Variants in SLC7A5 observed in about 807,000 individuals in gnomAD.
SLC7A5 encodes solute carrier family 7 member 5, also known as large neutral amino acids transporter small subunit 1.
SLC7A5 carries 23 observed loss-of-function variants against 50.2 expected under a neutral mutation model. The ratio of observed to expected loss-of-function variants is 0.46; its 90% confidence interval spans 0.33 to 0.65. The LOEUF (loss-of-function observed/expected upper bound fraction) is 0.65, where lower values mean the gene tolerates loss of function less well. SLC7A5 is among the 30% of genes least tolerant of loss of function. The pLI is 0.02. For missense variants in SLC7A5, 578 were observed against 684.4 expected (o/e 0.84, Z 1.73); for synonymous variants, 393 against 330.6 (o/e 1.19, Z -2.05).
chr16:87,842,088 G>A (rs1427631982), intron 2 of SLC7A5, among the ~76,000 whole-genome samples: 3 of 152,174 alleles, frequency 2.0e-5, no homozygotes, highest in Non-Finnish European at 2.9e-5. Flanking sequence ...TGCGCTTCAG[G>A]AAGGAGAACT....
chr16:87,862,583 T>G lies in SLC7A5; in HGVS notation c.538+6302A>C, dbSNP rs1248906115. Among the ~76,000 whole-genome samples the G allele has an allele frequency of 6.6e-6, 1 of 152,224 alleles. No individual in the cohort carries two copies. Among genetic ancestry groups the G allele is most frequent in the Admixed American group, 6.5e-5 (1 of 15,290 alleles). On this transcript the variant is annotated intron_variant, in intron 1 of 9. Transcript: ENST00000261622. The surrounding 1 kb of genome is among the most constrained non-coding windows in gnomAD (Gnocchi z 5.3). ...CTCCCTCTCTTTGTTCCCTTGCTCC[T>G]TCCTTCTTTTGCCAGAGGAGAAGAC...
intron 1 of SLC7A5, among the ~76,000 whole-genome samples, chr16:87,855,318 T>C (rs934170613): frequency 7.2e-5 from 11 of 152,094 alleles, no homozygotes; most frequent in African/African-American, 2.6e-4. Context: ...GCAGTGATAC[T>C]GACCTCAGAG....
chr16:87,847,365 C>G (rs1033551248), intron 2 of SLC7A5, among the ~76,000 whole-genome samples: 2 of 152,160 alleles, frequency 1.3e-5, no homozygotes, highest in Non-Finnish European at 2.9e-5. Flanking sequence ...AAGAGGAGAC[C>G]AAGACAGGGC....
chr16:87,842,387 A>T (rs2055092661), intron 2 of SLC7A5, among the ~76,000 whole-genome samples: 1 of 152,220 alleles, frequency 6.6e-6, no homozygotes, highest in South Asian at 2.1e-4. Flanking sequence ...TGGTCCAGGG[A>T]ACACCGCAGA....
At chr16:87,834,676 C>T (rs1203130714) in intron 8 of SLC7A5, 85 bp from the exon 9 acceptor site, 1 of 1,376,424 alleles carries the variant, frequency 7.3e-7, no homozygotes, top group Non-Finnish European at 1.0e-6. Flanking sequence ...CCCTCCTGGG[C>T]CCTCCACACC....
chr16:87,865,915 G>A lies in SLC7A5; in HGVS notation c.538+2970C>T, dbSNP rs1408583584. ...GGCACATGCCTGTAATCTAAGCTCC[G>A]GAGGTTGAGGCAGGAGAATCGTTTA... On this transcript the variant is annotated intron_variant, in intron 1 of 9. Transcript: ENST00000261622. Among the ~76,000 whole-genome samples, 11 of 152,270 alleles carry A rather than the reference G, an allele frequency of 7.2e-5. No individual in the cohort carries two copies. The South Asian group carries it at 1.5e-3, about 20-fold the overall frequency.
At chr16:87,847,969 C>T (rs2055174487) in intron 2 of SLC7A5, among the ~76,000 whole-genome samples, 1 of 152,056 alleles carries the variant, frequency 6.6e-6, no homozygotes. Context: ...ATCCAGGGGT[C>T]TCGGCCACCG....
intron 2 of SLC7A5, among the ~76,000 whole-genome samples, chr16:87,849,172 C>T (rs1359453356): frequency 1.3e-5 from 2 of 152,188 alleles, no homozygotes; most frequent in Admixed American, 6.5e-5. Context: ...TATCTGGGGG[C>T]GCTGCTGCCA....
intron 1 of SLC7A5, among the ~76,000 whole-genome samples, chr16:87,864,858 A>T (rs2055441472): frequency 6.6e-6 from 1 of 152,208 alleles, no homozygotes; most frequent in Non-Finnish European, 1.5e-5. Context: ...CGGTCTTAAG[A>T]TTATGCGAGT....
Position 87,853,946 on chromosome 16 carries a change from T to G in SLC7A5, c.539-2097A>C, listed in dbSNP as rs1179579825. On this transcript the variant is annotated intron_variant, in intron 1 of 9. Coordinates refer to ENST00000261622, the MANE Select transcript of SLC7A5 (RefSeq NM_003486.7). This position sits in a 1 kb window ranked among gnomAD's most constrained non-coding sequence, Gnocchi z 4.4. Reference sequence around the variant, plus strand: ...TCACGTCTGCTAGGGGGTTGGGGGGTCCAGGAAGGGCAGCGAGTTGCCCAG... The same window carrying G: ...TCACGTCTGCTAGGGGGTTGGGGGGGCCAGGAAGGGCAGCGAGTTGCCCAG... 1 of 150,986 alleles carries G rather than the reference T, an allele frequency of 6.6e-6. No homozygotes were observed. The highest frequency in any genetic ancestry group is 2.5e-5 in the African/African-American group (1 of 40,260). 9.4% of individuals were successfully genotyped at this position (150,986 alleles called of 1,614,324 possible).
intron 1 of SLC7A5, among the ~76,000 whole-genome samples, chr16:87,855,404 G>A (rs1419814531): frequency 3.9e-5 from 6 of 152,136 alleles, no homozygotes; most frequent in Middle Eastern, 3.4e-3. Flanking sequence ...GCCCACAGAC[G>A]GGACAGGTGC....
chr16:87,832,309 T>C lies in SLC7A5; in HGVS notation c.*661A>G, dbSNP rs563587509. On this transcript the variant is annotated 3_prime_UTR_variant, in exon 10 of 10. Coordinates refer to ENST00000261622, the MANE Select transcript of SLC7A5 (RefSeq NM_003486.7). This position sits in a 1 kb window ranked among gnomAD's most constrained non-coding sequence, Gnocchi z 4.6. The stretch of plus-strand genomic sequence containing the variant: ...GGCTGTTCCCTGGCTCAGGATGGTG[T>C]CTCGGGGCTAGGATTATGGTCAGGA... 6.6e-6 allele frequency: 1 copy of C among 152,284 alleles called. No homozygotes were observed. The highest frequency in any genetic ancestry group is 1.9e-4 in the East Asian group (1 of 5,168). 9.4% of individuals were successfully genotyped at this position (152,284 alleles called of 1,614,324 possible).
At chr16:87,847,681 C>A (rs1340875951) in intron 2 of SLC7A5, among the ~76,000 whole-genome samples, 1 of 152,220 alleles carries the variant, frequency 6.6e-6, no homozygotes. Flanking sequence ...TGGGCCTCCC[C>A]CCAGCAGCGC....
At chr16:87,834,653 C>T (rs1460011346) in intron 8 of SLC7A5, 62 bp from the exon 9 acceptor site, 6 of 1,538,850 alleles carry the variant, frequency 3.9e-6, no homozygotes, top group East Asian at 2.4e-5. Context: ...CCCCATGCCC[C>T]GAGGTTCCTC....
rs530112603 is a variant in SLC7A5 at position 87,860,688 on chromosome 16, C to A, written c.538+8197G>T. Among the ~76,000 whole-genome samples, 1 of 152,340 alleles carries A rather than the reference C, an allele frequency of 6.6e-6. No homozygotes were observed. The highest frequency in any genetic ancestry group is 1.9e-4 in the East Asian group (1 of 5,170). ...GGCTTTCTCGTTAACAAGCAGCTCA[C>A]ACATACAGTGTCTCAGTAGTGACAG... On this transcript the variant is annotated intron_variant, in intron 1 of 9. Transcript: ENST00000261622. The surrounding 1 kb of genome is among the most constrained non-coding windows in gnomAD (Gnocchi z 4.8).
intron 2 of SLC7A5, among the ~76,000 whole-genome samples, chr16:87,851,391 T>G (rs1490490625): frequency 6.6e-6 from 1 of 152,198 alleles, no homozygotes; most frequent in Admixed American, 6.5e-5. Flanking sequence ...GCATAGCCCC[T>G]GCCAGGCCTG....
chr16:87,866,857 C>G (rs1321539942), intron 1 of SLC7A5, among the ~76,000 whole-genome samples: 2 of 152,158 alleles, frequency 1.3e-5, no homozygotes, highest in African/African-American at 4.8e-5. Context: ...TCCTACGTCT[C>G]CTTCCTGGTG....
At chr16:87,868,025 G>C (rs2055484751) in intron 1 of SLC7A5, among the ~76,000 whole-genome samples, 1 of 150,796 alleles carries the variant, frequency 6.6e-6, no homozygotes. Context: ...GCTGAGCCAG[G>C]AGAATGGCAT....
At chr16:87,866,019 C>T (rs1005381793) in intron 1 of SLC7A5, among the ~76,000 whole-genome samples, 4 of 151,092 alleles carry the variant, frequency 2.6e-5, no homozygotes, top group Non-Finnish European at 5.9e-5. Context: ...AAATCAAAAA[C>T]AAAAAGCAAA....
Sources: gnomAD v4.1 joint callset for allele counts (sites outside exome capture counted in the v4.1 genomes callset) on GRCh38, gnomAD v4.1.1 for gene constraint, Gnocchi (gnomAD v3.1) non-coding constraint, MANE v1.5 for transcripts, NCBI Gene and HGNC (gene_info 2026-07-23, HGNC 2026-07-21) for gene names.